The following MAP3K13 variants were observed in gnomAD, a reference collection of about 807,000 sequenced individuals.
The protein encoded by MAP3K13 is mitogen-activated protein kinase kinase kinase 13.
A neutral mutation model predicts 104.0 loss-of-function variants in MAP3K13; 52 were observed. The ratio of observed to expected loss-of-function variants is 0.50; its 90% CI spans 0.40 to 0.63. The LOEUF (loss-of-function observed/expected upper bound fraction) is 0.63. MAP3K13 is among the 20% of genes least tolerant of loss of function. The pLI, the probability that MAP3K13 is intolerant of heterozygous loss-of-function variation, is 0.00. For synonymous variants in MAP3K13, 394 were observed against 442.2 expected, an observed-to-expected ratio of 0.89 and a Z score of 1.37; for missense variants, 914 against 1,218.5, an observed-to-expected ratio of 0.75 and a Z score of 3.72.
At chr3:185,468,083 A>G (rs925439385) in intron 10 of MAP3K13, among the ~76,000 whole-genome samples, 2 of 152,086 alleles carry the variant, frequency 1.3e-5, no homozygotes, top group African/African-American at 4.8e-5. Flanking sequence ...ATGCGAAACC[A>G]TTCATGAGAA....
At chr3:185,458,631 A>G (rs1038816592) in intron 7 of MAP3K13, among the ~76,000 whole-genome samples, 3 of 152,106 alleles carry the variant, frequency 2.0e-5, no homozygotes, top group African/African-American at 7.2e-5. Flanking sequence ...TGGCAGGCAC[A>G]TTCTCTTTCT....
At chr3:185,346,477 A>G (rs1337016793) in intron 2 of MAP3K13, among the ~76,000 whole-genome samples, 4 of 152,078 alleles carry the variant, frequency 2.6e-5, no homozygotes, top group Non-Finnish European at 1.5e-5. Flanking sequence ...ACCTGTTCCT[A>G]TACATTTTAG....
chr3:185,421,943 T>A (rs577867455), intron 1 of MAP3K13, among the ~76,000 whole-genome samples: 1 of 152,256 alleles, frequency 6.6e-6, no homozygotes, highest in Non-Finnish European at 1.5e-5. Context: ...TTTGTTCTTG[T>A]ACCTCTCTAT....
At chr3:185,336,513 G>C (rs1241655909) in intron 2 of MAP3K13, among the ~76,000 whole-genome samples, 1 of 149,220 alleles carries the variant, frequency 6.7e-6, no homozygotes, top group Non-Finnish European at 1.5e-5. Context: ...TTGCACTCCA[G>C]CCTGGGTGAC....
chr3:185,486,319 T>G lies in MAP3K13; in HGVS notation c.*3863T>G, dbSNP rs1277848681. ...TAGTGGCTGAATCTCAGTCATTCAT[T>G]GTATAGTCGAGAGTTGAATAAAGTC... On this transcript the variant is annotated 3_prime_UTR_variant, in exon 14 of 14. Transcript: ENST00000265026. 1 of 152,214 alleles carries G rather than the reference T, an allele frequency of 6.6e-6. No individual in the cohort carries two copies. 9.4% of individuals were successfully genotyped at this position (152,214 alleles called of 1,614,324 possible).
intron 2 of MAP3K13, among the ~76,000 whole-genome samples, chr3:185,340,172 T>A (rs1722668575): frequency 6.6e-6 from 1 of 152,152 alleles, no homozygotes; most frequent in Non-Finnish European, 1.5e-5. Flanking sequence ...GATTATGAGT[T>A]TAATGTATGT....
At chr3:185,474,014 T>C (rs1030808635) in intron 11 of MAP3K13, among the ~76,000 whole-genome samples, 2 of 152,188 alleles carry the variant, frequency 1.3e-5, no homozygotes, top group African/African-American at 4.8e-5. Flanking sequence ...ATAACTTATT[T>C]ATAGATAACT....
In MAP3K13 at chr3:185,429,013, C is replaced by T. The variant is rs759161025; in HGVS notation, c.432C>T (p.Ile144=). The change falls in exon 2 of 14, where the codon ATC becomes ATT. Residue 144 remains isoleucine (I), a synonymous_variant. Transcript: ENST00000265026. ...LFGCLRPVWN[I]IGKAYSTDYK... ...GATGCTTAAGGCCTGTATGGAATATCATTGGGAAGGCATATTCCACTGATT... is the reference window on the plus strand; with the variant it reads ...GATGCTTAAGGCCTGTATGGAATATTATTGGGAAGGCATATTCCACTGATT... 121 of 1,613,962 alleles carry T rather than the reference C, an allele frequency of 7.5e-5. No individual in the cohort carries two copies. Among genetic ancestry groups the T allele is most frequent in the Non-Finnish European group, 9.2e-5 (109 of 1,180,024 alleles).
intron 1 of MAP3K13, among the ~76,000 whole-genome samples, chr3:185,386,963 T>C: frequency 6.6e-6 from 1 of 152,146 alleles, no homozygotes; most frequent in East Asian, 1.9e-4. Context: ...CTGGGCTTAA[T>C]GCCTGGGGAA....
chr3:185,365,572 A>G (rs779079291), intron 1 of MAP3K13, among the ~76,000 whole-genome samples: 1 of 152,214 alleles, frequency 6.6e-6, no homozygotes, highest in Non-Finnish European at 1.5e-5. Flanking sequence ...ATAGTTCAAG[A>G]TAGCCAAGAT....
chr3:185,455,245 T>TGAGATATATGA (rs1159166449), intron 7 of MAP3K13, among the ~76,000 whole-genome samples: 1 of 13,308 alleles, frequency 7.5e-5, no homozygotes, highest in African/African-American at 1.6e-4. Context: ...GATATATATA[T>TGAGATATATGA]GATATATATG....
chr3:185,428,505 G>C lies in MAP3K13; in HGVS notation c.-77G>C, dbSNP rs1412596131. ...CCTCCTGTTTTTCTCAGGTTTTGGA[G>C]CCCTCTCTTAAGTCAGAACTCTGTC... On this transcript the variant is annotated 5_prime_UTR_variant, in exon 2 of 14. Coordinates refer to ENST00000265026, the MANE Select transcript of MAP3K13 (RefSeq NM_004721.5). The C allele has an allele frequency of 4.0e-6, 6 of 1,495,710 alleles. No individual in the cohort carries two copies. The highest frequency in any genetic ancestry group is 4.4e-6 in the Non-Finnish European group (5 of 1,123,976). The allele number at this position is 1,495,710 out of a possible 1,614,324, so 92.7% of individuals were successfully genotyped here.
intron 1 of MAP3K13, among the ~76,000 whole-genome samples, chr3:185,399,844 C>G (rs1016434086): frequency 1.3e-5 from 2 of 151,888 alleles, no homozygotes; most frequent in African/African-American, 4.8e-5. Context: ...CTCCCTGCAG[C>G]TCCTCCGCCC....
chr3:185,428,442 G>C (rs189171551), intron 1 of MAP3K13, 55 bp from the exon 2 acceptor site: 1 of 1,125,442 alleles, frequency 8.9e-7, no homozygotes, highest in Non-Finnish European at 1.2e-6. Flanking sequence ...CAGAAGTGTC[G>C]TAGTGTGCAT....
intron 7 of MAP3K13, among the ~76,000 whole-genome samples, chr3:185,455,160 GATAT>G (rs1307184194): frequency 2.1e-5 from 1 of 47,758 alleles, no homozygotes; most frequent in African/African-American, 6.4e-5. Context: ...AGATATATAT[GATAT>G]ATATGAGATA....
chr3:185,364,558 A>T (rs1248812125), intron 1 of MAP3K13, among the ~76,000 whole-genome samples: 1 of 152,220 alleles, frequency 6.6e-6, no homozygotes, highest in African/African-American at 2.4e-5. Context: ...GTGAAGCAAG[A>T]CTTCTAAATT....
intron 2 of MAP3K13, among the ~76,000 whole-genome samples, chr3:185,321,816 A>G (rs1721880162): frequency 6.6e-6 from 1 of 151,974 alleles, no homozygotes; most frequent in Non-Finnish European, 1.5e-5. Flanking sequence ...GTTGGCCATG[A>G]TTGTTTGGAA....
rs1475878260 is a variant in MAP3K13, at chr3:185,437,602, T to C, written c.631T>C (p.Leu211=). 3 of 1,612,764 alleles carry C rather than the reference T, an allele frequency of 1.9e-6. No individual in the cohort carries two copies. The highest frequency in any genetic ancestry group is 2.2e-5 in the East Asian group (1 of 44,814). The change falls in exon 3 of 14, where the codon TTG becomes CTG. Residue 211 remains leucine, a synonymous_variant. Coordinates refer to ENST00000265026, the MANE Select transcript of MAP3K13 (RefSeq NM_004721.5). ...GACGGATATCAAGCATTTGAGGAAGTTGAAGCACCCTAACATCATCGCATT... is the reference window on the plus strand; with the variant it reads ...GACGGATATCAAGCATTTGAGGAAGCTGAAGCACCCTAACATCATCGCATT... The part of the protein sequence containing the change: ...NETDIKHLRK[L]KHPNIIAFKG...
At chr3:185,419,339 A>G (rs1485090060) in intron 1 of MAP3K13, among the ~76,000 whole-genome samples, 1 of 152,242 alleles carries the variant, frequency 6.6e-6, no homozygotes, top group Non-Finnish European at 1.5e-5. Flanking sequence ...GCCTCAGCAC[A>G]CAGTGACAAT....
Sources: gnomAD v4.1 joint callset for allele counts (sites outside exome capture counted in the v4.1 genomes callset) on GRCh38, gnomAD v4.1.1 for gene constraint, MANE v1.5 for transcripts, NCBI Gene and HGNC (gene_info 2026-07-23, HGNC 2026-07-21) for gene names.